Variants in CGREF1 observed in about 807,000 individuals in gnomAD.
CGREF1 encodes cell growth regulator with EF-hand domain 1.
CGREF1 carries 16 observed loss-of-function variants against 17.4 expected under a neutral mutation model. That is an observed-to-expected ratio of 0.92 (90% CI 0.62 to 1.40). The LOEUF (loss-of-function observed/expected upper bound fraction) is 1.40, where lower values mean the gene tolerates loss of function less well. CGREF1 is among the 40% of genes most tolerant of loss of function. The probability of loss-of-function intolerance (pLI) is 0.00; values close to 1 mark genes in which losing one functional copy is unlikely to be tolerated. For synonymous variants in CGREF1, 142 were observed against 154.6 expected (o/e 0.92, Z 0.61); for missense variants, 296 against 376.4 (o/e 0.79, Z 1.77).
intron 2 of CGREF1, chr2:27,102,879 A>C: frequency 1.0e-6 from 1 of 961,624 alleles, no homozygotes; most frequent in Non-Finnish European, 1.2e-6. Context: ...AGTAGACACA[A>C]GTTAGAGATC....
intron 1 of CGREF1, among the ~76,000 whole-genome samples, chr2:27,111,755 G>A (rs1322728729): frequency 6.6e-6 from 1 of 151,924 alleles, no homozygotes; most frequent in Non-Finnish European, 1.5e-5. Flanking sequence ...CCGGCCGGCA[G>A]CTCCGAGTGC....
At chr2:27,108,668 T>C (rs1038064673) in intron 1 of CGREF1, among the ~76,000 whole-genome samples, 12 of 141,664 alleles carry the variant, frequency 8.5e-5, no homozygotes, top group African/African-American at 3.2e-4. Flanking sequence ...ATAGGAAAAG[T>C]AATTAGACTG....
At chr2:27,117,482 A>G (rs1671628408) in intron 1 of CGREF1, among the ~76,000 whole-genome samples, 1 of 152,268 alleles carries the variant, frequency 6.6e-6, no homozygotes, top group African/African-American at 2.4e-5. Flanking sequence ...GAAAGCCACC[A>G]TAACTGTTAA....
Position 27,101,201 on chromosome 2 carries a change from T to C in CGREF1, c.*73A>G. ...CACAGAGATGGTCCTTGTCCCAGCG[T>C]ACATTTCCCCTGCCCACTTCAGGGC... On this transcript the variant is annotated 3_prime_UTR_variant, in exon 6 of 6. Transcript: ENST00000402394. 1 of 1,509,270 alleles carries C rather than the reference T, an allele frequency of 6.6e-7. No homozygotes were observed. Among genetic ancestry groups the C allele is most frequent in the Non-Finnish European group, 8.8e-7 (1 of 1,131,898 alleles). 93.5% of individuals were successfully genotyped at this position (1,509,270 alleles called of 1,614,324 possible).
rs3072688 is a variant in CGREF1, at chr2:27,103,380, C to CTTT, written c.81-792_81-790dup. ...TTCTTTGGTGTTGCCACCATAAGGT[C>CTTT]TTTTTTTTTCTGAGATAGAGTCTCG... On this transcript the variant is annotated intron_variant, in intron 2 of 5. Coordinates refer to ENST00000402394, the MANE Select transcript of CGREF1 (RefSeq NM_006569.6). Among the ~76,000 whole-genome samples the CTTT allele has an allele frequency of 8.1e-3, 1,220 of 150,944 alleles. 14 individuals are homozygous for CTTT. Among genetic ancestry groups the CTTT allele is most frequent in the Middle Eastern group, 0.024 (7 of 294 alleles).
chr2:27,101,862 G>T lies in CGREF1; in HGVS notation c.369C>A (p.Leu123=), dbSNP rs61750980. The T allele has an allele frequency of 6.2e-7, 1 of 1,613,150 alleles. No homozygotes were observed. The highest frequency in any genetic ancestry group is 8.5e-7 in the Non-Finnish European group (1 of 1,179,836). The change falls in exon 6 of 6, where the codon CTC becomes CTA. Residue 123 remains leucine (L), a synonymous_variant. Coordinates refer to ENST00000402394, the MANE Select transcript of CGREF1 (RefSeq NM_006569.6). ...NPVILIVDKV[L]ETQDLNGDGL... ...CATCCCCATTCAGGTCCTGGGTCTC[G>T]AGCACTTTGTCCACTATCAAGATCA...
rs761385457 is a variant in CGREF1, at chr2:27,101,784, G to A, written c.447C>T (p.His149=). ...GAGCAAGGGGCTCTCCGGGCTCCAC[G>A]TGCCTGAGGGCTACTCCCGGGAAGT... ...LINFPGVALR[H]VEPGEPLAPS... is the part of the protein sequence containing the mutation. The change falls in exon 6 of 6, where the codon CAC becomes CAT. Residue 149 remains histidine, a synonymous_variant. Coordinates refer to ENST00000402394, the MANE Select transcript of CGREF1 (RefSeq NM_006569.6). 2.5e-5 allele frequency: 40 copies of A among 1,614,068 alleles called. No homozygotes were observed. The highest frequency in any genetic ancestry group is 3.3e-5 in the Admixed American group (2 of 60,000).
chr2:27,102,839 G>C (rs1443754990), intron 2 of CGREF1: 3 of 737,804 alleles, frequency 4.1e-6, no homozygotes, highest in Non-Finnish European at 5.0e-6. Flanking sequence ...AAAACAACTG[G>C]TTAGGTAGAG....
intron 1 of CGREF1, among the ~76,000 whole-genome samples, chr2:27,115,839 C>T (rs1331930608): frequency 6.6e-6 from 1 of 152,190 alleles, no homozygotes; most frequent in Non-Finnish European, 1.5e-5. Context: ...AGTGCTTTTG[C>T]CCAACCTGTT....
chr2:27,100,185 C>T, downstream of CGREF1: 2 of 454,058 alleles, frequency 4.4e-6, no homozygotes, highest in South Asian at 4.1e-5. Flanking sequence ...AGTGAACCTG[C>T]CAAAGAAACC....
intron 1 of CGREF1, chr2:27,104,752 G>C (rs544281280): frequency 1.1e-5 from 17 of 1,495,544 alleles, no homozygotes; most frequent in South Asian, 6.6e-5. Context: ...GGAAAGGAGC[G>C]CAGAAAGTTT....
intron 1 of CGREF1, among the ~76,000 whole-genome samples, chr2:27,113,257 G>C (rs753726684): frequency 1.3e-5 from 2 of 152,214 alleles, no homozygotes; most frequent in African/African-American, 2.4e-5. Flanking sequence ...GAGAATGCCA[G>C]AAGTTCTGGC....
Position 27,114,769 on chromosome 2 carries a change from CAG to C in CGREF1, c.-12+4075_-12+4076del, listed in dbSNP as rs1162030512. Among the ~76,000 whole-genome samples the C allele has an allele frequency of 7.2e-5, 11 of 152,168 alleles. No homozygotes were observed. The East Asian group carries it at 9.6e-4, about 13-fold the overall frequency. On this transcript the variant is annotated intron_variant, in intron 1 of 5. Coordinates refer to ENST00000402394, the MANE Select transcript of CGREF1 (RefSeq NM_006569.6). ...AAATCTTCCCAGCCCAACAACCAGA[CAG>C]GGGAGAGAGCCAAGCTCCGGATAAT... is the stretch of plus-strand genomic sequence containing the variant.
At chr2:27,107,975 T>TAAAAATG (rs1256259700) in intron 1 of CGREF1, among the ~76,000 whole-genome samples, 1 of 142,124 alleles carries the variant, frequency 7.0e-6, no homozygotes, top group Non-Finnish European at 1.5e-5. Flanking sequence ...AATAAGAGCA[T>TAAAAATG]AAAAATGACC....
chr2:27,099,843 G>A (rs1670695784), downstream of CGREF1: 1 of 1,556,914 alleles, frequency 6.4e-7, no homozygotes, highest in Non-Finnish European at 8.7e-7. Context: ...AGGTTGCCCT[G>A]TTCAGGGGAC....
At chr2:27,100,558 G>A (rs1670760161), downstream of CGREF1, 1 of 1,289,122 alleles carries the variant, frequency 7.8e-7, no homozygotes, top group South Asian at 1.2e-5. Flanking sequence ...AATGTAAAGA[G>A]CATATAATGT....
intron 1 of CGREF1, among the ~76,000 whole-genome samples, chr2:27,113,636 G>A (rs1558465087): frequency 3.9e-5 from 6 of 152,288 alleles, no homozygotes; most frequent in African/African-American, 1.2e-4. Flanking sequence ...TCTGGGCTCC[G>A]CAGCCCACTA....
intron 1 of CGREF1, among the ~76,000 whole-genome samples, chr2:27,118,392 C>A (rs1307361963): frequency 6.6e-6 from 1 of 152,152 alleles, no homozygotes; most frequent in Admixed American, 6.5e-5. Flanking sequence ...CAGCACCCAT[C>A]CCCCAAGAAA....
In CGREF1 at chr2:27,101,890, T is replaced by A; in HGVS notation, c.343-2A>T. The A allele has an allele frequency of 6.2e-7, 1 of 1,608,988 alleles. No homozygotes were observed. The highest frequency in any genetic ancestry group is 1.1e-5 in the South Asian group (1 of 91,038). On this transcript the variant is annotated splice_acceptor_variant, in intron 5 of 5. Transcript: ENST00000402394. LOFTEE classifies it high-confidence loss of function. ...CACTTTGTCCACTATCAAGATCACC[T>A]GTGGAAGCAGAGTCACTGTGGGGTC...
Sources: allele counts gnomAD v4.1 joint callset (sites outside exome capture counted in the v4.1 genomes callset), GRCh38; gene constraint gnomAD v4.1.1; transcripts MANE v1.5; gene names NCBI Gene and HGNC (gene_info 2026-07-23, HGNC 2026-07-21).